Variants in PNPLA7 observed in about 807,000 individuals in gnomAD.
PNPLA7 encodes the protein patatin-like phospholipase domain-containing protein 7.
In PNPLA7, 153 loss-of-function variants were observed where a neutral mutation model predicts 161.7. The observed-to-expected ratio is 0.95, with a 90% CI of 0.83 to 1.08. The LOEUF (loss-of-function observed/expected upper bound fraction) is 1.08. Ranked by LOEUF, PNPLA7 falls within the 50% of genes least tolerant of loss-of-function variation. The pLI is 0.00. For missense variants in PNPLA7, 1,739 were observed against 1,856.6 expected, an observed-to-expected ratio of 0.94 and a Z score of 1.16; for synonymous variants, 809 against 782.1, an observed-to-expected ratio of 1.03 and a Z score of -0.57.
At position 137,500,619 on chromosome 9, in the gene PNPLA7, G is replaced by A. The variant is rs150073246; in HGVS notation, c.1757+72C>T. On this transcript the variant is annotated intron_variant, in intron 16 of 34. Transcript: ENST00000406427. This position sits in a 1 kb window ranked among gnomAD's most constrained non-coding sequence, Gnocchi z 5.5. Reference sequence around the variant, plus strand: ...AGGGTGAGAGCACCAGGAAGAGGCCGGCCACGCGGGGAGGGGTCTCAGGGC... The same window carrying A: ...AGGGTGAGAGCACCAGGAAGAGGCCAGCCACGCGGGGAGGGGTCTCAGGGC... 74,419 of 1,431,118 alleles carry A rather than the reference G, an allele frequency of 0.052. 2,274 individuals are homozygous for A. The highest frequency in any genetic ancestry group is 0.079 in the Middle Eastern group (419 of 5,292). The allele number at this position is 1,431,118 out of a possible 1,614,324, so 88.7% of individuals were successfully genotyped here. A position where few individuals can be genotyped will look rare whatever the true frequency, so the allele number is the denominator to read the frequency against.
chr9:137,484,819 G>A, intron 20 of PNPLA7, 83 bp from the exon 21 acceptor site: 1 of 1,448,388 alleles, frequency 6.9e-7, no homozygotes, highest in Middle Eastern at 2.2e-4. Flanking sequence ...CCCCGAGGCT[G>A]CACAGGAGCA....
intron 24 of PNPLA7, chr9:137,478,851 T>G: frequency 2.9e-6 from 2 of 694,880 alleles, no homozygotes; most frequent in Non-Finnish European, 2.2e-6. Context: ...CTGCCCCCAC[T>G]GCACCGGCTG....
intron 20 of PNPLA7, among the ~76,000 whole-genome samples, chr9:137,485,363 C>T (rs1023371242): frequency 4.1e-5 from 6 of 147,972 alleles, no homozygotes; most frequent in Admixed American, 2.0e-4. Context: ...ACCAGACAAA[C>T]GCTGCAGGTG....
At position 137,484,587 on chromosome 9, in the gene PNPLA7, C is replaced by T. The variant is rs752091318; in HGVS notation, c.2347G>A (p.Gly783Ser). 2.1e-5 allele frequency: 34 copies of T among 1,598,600 alleles called. No individual in the cohort carries two copies. Among genetic ancestry groups the T allele is most frequent in the African/African-American group, 5.4e-5 (4 of 74,692 alleles). Residue 783 changes from glycine (G) to serine (S), a missense_variant and splice_region_variant, in exon 21 of 35, where the codon GGC becomes AGC. Gly to Ser is a moderately conservative substitution (Grantham distance 56). Transcript: ENST00000406427. ...LELEHALSAI[G>S]PTLLLTSDNI... is the part of the protein sequence containing the mutation. ...TGGAGGCTGGGAGGCTCAGGCTTAC[C>T]GATGGCGCTGAGGGCATGCTCCAGC...
chr9:137,489,778 T>C (rs1048965830), intron 20 of PNPLA7, among the ~76,000 whole-genome samples: 4 of 151,966 alleles, frequency 2.6e-5, no homozygotes, highest in African/African-American at 9.7e-5. Flanking sequence ...ATCCTGAAGA[T>C]AGATCAAAAG....
In PNPLA7 at chr9:137,524,903, T is replaced by A. The variant is rs1405825246; in HGVS notation, c.748-2046A>T. Among the ~76,000 whole-genome samples, 1 of 152,244 alleles carries A rather than the reference T, an allele frequency of 6.6e-6. No homozygotes were observed. Among genetic ancestry groups the A allele is most frequent in the Non-Finnish European group, 1.5e-5 (1 of 68,048 alleles). The stretch of plus-strand genomic sequence containing the variant: ...GATGCCTGTCTTCACCAGCAGTTGG[T>A]GCCACCATGTCGCATAATAAAGAAT... On this transcript the variant is annotated intron_variant, in intron 8 of 34. Transcript: ENST00000406427. This position sits in a 1 kb window ranked among gnomAD's most constrained non-coding sequence, Gnocchi z 4.4.
Position 137,484,586 on chromosome 9 carries a change from C to T in PNPLA7, c.2347+1G>A. 6.3e-7 allele frequency: 1 copy of T among 1,597,644 alleles called. No homozygotes were observed. Among genetic ancestry groups the T allele is most frequent in the Non-Finnish European group, 8.6e-7 (1 of 1,169,108 alleles). ...CTGGAGGCTGGGAGGCTCAGGCTTACCGATGGCGCTGAGGGCATGCTCCAG... is the reference window on the plus strand; with the variant it reads ...CTGGAGGCTGGGAGGCTCAGGCTTATCGATGGCGCTGAGGGCATGCTCCAG... On this transcript the variant is annotated splice_donor_variant, in intron 21 of 34. Coordinates refer to ENST00000406427, the MANE Select transcript of PNPLA7 (RefSeq NM_001098537.3). LOFTEE classifies it high-confidence loss of function.
intron 11 of PNPLA7, among the ~76,000 whole-genome samples, chr9:137,518,257 A>C (rs1474733603): frequency 1.6e-5 from 2 of 125,156 alleles, no homozygotes. Flanking sequence ...TCCATCCCTC[A>C]TTCACTCACT....
intron 1 of PNPLA7, among the ~76,000 whole-genome samples, chr9:137,549,839 T>C (rs1241304356): frequency 6.6e-6 from 1 of 151,392 alleles, no homozygotes; most frequent in African/African-American, 2.4e-5. Flanking sequence ...GGCAAAGTCC[T>C]AAAGGAACTG....
chr9:137,498,326 T>TGGGACCC, intron 16 of PNPLA7, 81 bp from the exon 17 acceptor site: 2 of 1,566,644 alleles, frequency 1.3e-6, no homozygotes, highest in Non-Finnish European at 8.6e-7. Flanking sequence ...CGGGAATGGA[T>TGGGACCC]GGGACCCACA....
rs1031751550 is a variant in PNPLA7, at chr9:137,500,456, C to A, written c.1757+235G>T. Among the ~76,000 whole-genome samples the A allele has an allele frequency of 1.5e-4, 23 of 152,194 alleles. No homozygotes were observed. The highest frequency in any genetic ancestry group is 5.5e-4 in the African/African-American group (23 of 41,444). On this transcript the variant is annotated intron_variant, in intron 16 of 34. Transcript: ENST00000406427. This position sits in a 1 kb window ranked among gnomAD's most constrained non-coding sequence, Gnocchi z 5.5. ...CAGTGATAAATGGACACAGCTGGGA[C>A]CAGACCACAGAGACGGCCGTGCGAA...
At chr9:137,529,657 T>G (rs1835475891) in intron 8 of PNPLA7, among the ~76,000 whole-genome samples, 7 of 92,816 alleles carry the variant, frequency 7.5e-5, no homozygotes, top group Admixed American at 4.9e-4. Flanking sequence ...TGAATCTTTG[T>G]TTTTTTTTTT....
chr9:137,462,390 G>A lies in PNPLA7; in HGVS notation c.3493-59C>T, dbSNP rs41317006. ...CCGGCCCCTACCCCGTCCCAGCCTG[G>A]CCCGTGGCGCAGGACAGGTTCTGGG... is the stretch of plus-strand genomic sequence containing the variant. On this transcript the variant is annotated intron_variant, in intron 30 of 34. Coordinates refer to ENST00000406427, the MANE Select transcript of PNPLA7 (RefSeq NM_001098537.3). 4.1e-3 allele frequency: 6,319 copies of A among 1,540,862 alleles called. 19 individuals are homozygous for A. The highest frequency in any genetic ancestry group is 4.5e-3 in the Non-Finnish European group (5,167 of 1,142,652).
chr9:137,511,332 C>T (rs111552041), intron 12 of PNPLA7, among the ~76,000 whole-genome samples: 3 of 149,890 alleles, frequency 2.0e-5, no homozygotes, highest in African/African-American at 7.4e-5. Context: ...CTGGCGGTAG[C>T]GCCAGTGCCT....
intron 20 of PNPLA7, chr9:137,491,750 A>G (rs1257014509): frequency 2.0e-6 from 2 of 985,464 alleles, no homozygotes; most frequent in African/African-American, 3.5e-5. Context: ...CAGACGTTCA[A>G]TGCTGTGCAC....
intron 12 of PNPLA7, among the ~76,000 whole-genome samples, chr9:137,513,734 C>CA (rs1265137368): frequency 3.3e-5 from 5 of 151,752 alleles, no homozygotes; most frequent in South Asian, 4.2e-4. Context: ...AAAGAATCTC[C>CA]AAAAAAAACT....
At chr9:137,521,195 G>A (rs1834973623) in intron 10 of PNPLA7, among the ~76,000 whole-genome samples, 1 of 152,296 alleles carries the variant, frequency 6.6e-6, no homozygotes, top group East Asian at 1.9e-4. Context: ...CAGCCTGCAG[G>A]GCCAGAAAGG....
At position 137,547,601 on chromosome 9, in the gene PNPLA7, C is replaced by T. The variant is rs202235415; in HGVS notation, c.89G>A (p.Gly30Asp). The T allele has an allele frequency of 1.5e-5, 24 of 1,613,110 alleles. No individual in the cohort carries two copies. The highest frequency in any genetic ancestry group is 3.3e-5 in the Admixed American group (2 of 60,006). ...GGTGATTACCATGGTGGACGGTGAA[C>T]CTTCCTCCGTGAACCACAGTCCCCA... ...HSWGLWFTEEGSPSTMLTGIA... is the reference protein window; with the variant it reads ...HSWGLWFTEEDSPSTMLTGIA... The change falls in exon 2 of 35, where the codon GGT becomes GAT. Residue 30 changes from glycine (G) to aspartate (D), a missense_variant. Transcript: ENST00000406427. The surrounding 1 kb of genome is among the most constrained non-coding windows in gnomAD (Gnocchi z 4.6).
chr9:137,479,164 C>T lies in PNPLA7; in HGVS notation c.2655G>A (p.Pro885=), dbSNP rs575736753. The T allele has an allele frequency of 7.0e-6, 11 of 1,571,594 alleles. No individual in the cohort carries two copies. In the East Asian group the frequency reaches 7.0e-5, roughly 10 times the overall value. Residue 885 remains proline (P), a synonymous_variant, in exon 24 of 35, where the codon CCG becomes CCA. Transcript: ENST00000406427. ...GCCACTCCACGGTGCGCGCTGGCGC[C>T]GGGCCCTCCTCCCTGTGCAGCAGGA... ...QLILLHREEG[P]APARTVEWLN...
Sources: gnomAD v4.1 joint callset for allele counts (sites outside exome capture counted in the v4.1 genomes callset) on GRCh38, gnomAD v4.1.1 for gene constraint, Gnocchi (gnomAD v3.1) non-coding constraint, MANE v1.5 for transcripts, NCBI Gene and HGNC (gene_info 2026-07-23, HGNC 2026-07-21) for gene names.